Variants in TMEM178B observed in about 807,000 individuals in gnomAD.
TMEM178B encodes transmembrane protein 178B.
TMEM178B carries 5 observed loss-of-function variants against 31.0 expected under a neutral mutation model. That is an observed-to-expected ratio of 0.16 (90% CI 0.08 to 0.34). The LOEUF (loss-of-function observed/expected upper bound fraction) is 0.34. Among genes scored for constraint, TMEM178B ranks in the 10% least tolerant of loss-of-function variants. The pLI, the probability that TMEM178B is intolerant of heterozygous loss-of-function variation, is 1.00. For synonymous variants in TMEM178B, 164 were observed against 164.0 expected (o/e 1.00, Z 0.00); for missense variants, 275 against 400.3 (o/e 0.69, Z 2.67).
intron 2 of TMEM178B, among the ~76,000 whole-genome samples, chr7:141,400,550 A>T (rs1800742327): frequency 5.3e-5 from 8 of 152,182 alleles, no homozygotes; most frequent in Admixed American, 5.2e-4. Context: ...CCATTCCCAG[A>T]ATAGTGCCTT....
intron 1 of TMEM178B, among the ~76,000 whole-genome samples, chr7:141,203,456 T>C (rs10952496): frequency 0.66 from 99,745 of 152,058 alleles, 33,115 homozygotes; most frequent in Middle Eastern, 0.7. Flanking sequence ...CGTGGAAAGG[T>C]GAGCAACATA....
intron 1 of TMEM178B, among the ~76,000 whole-genome samples, chr7:141,172,209 T>TC (rs1439318326): frequency 2.0e-5 from 3 of 152,174 alleles, no homozygotes; most frequent in Admixed American, 6.5e-5. Context: ...CTTCATCTCA[T>TC]TCATTCATTC....
rs1261898029 is a variant in TMEM178B at position 141,318,184 on chromosome 7, C to T, written c.496+105480C>T. ...CCATCAGTCCATCCATCCATTTGTCCATTCAGTAACAGATCATTGAGCCTA... is the reference window on the plus strand; with the variant it reads ...CCATCAGTCCATCCATCCATTTGTCTATTCAGTAACAGATCATTGAGCCTA... On this transcript the variant is annotated intron_variant, in intron 2 of 3. Transcript: ENST00000565468. The surrounding 1 kb of genome is among the most constrained non-coding windows in gnomAD (Gnocchi z 4.1). Among the ~76,000 whole-genome samples, 1 of 152,146 alleles carries T rather than the reference C, an allele frequency of 6.6e-6. No individual in the cohort carries two copies. Among genetic ancestry groups the T allele is most frequent in the East Asian group, 1.9e-4 (1 of 5,200 alleles).
chr7:141,204,379 C>T (rs1796929053), intron 1 of TMEM178B, among the ~76,000 whole-genome samples: 1 of 152,172 alleles, frequency 6.6e-6, no homozygotes, highest in Non-Finnish European at 1.5e-5. Context: ...AGCTGCTTTC[C>T]CATAGTTGCT....
At chr7:141,134,741 TA>T (rs1795647799) in intron 1 of TMEM178B, among the ~76,000 whole-genome samples, 1 of 152,226 alleles carries the variant, frequency 6.6e-6, no homozygotes, top group Non-Finnish European at 1.5e-5. Flanking sequence ...TGAATGGATT[TA>T]AAAAATGACA....
chr7:141,116,531 A>T lies in TMEM178B; in HGVS notation c.382+41839A>T, dbSNP rs200476322. On this transcript the variant is annotated intron_variant, in intron 1 of 3. Transcript: ENST00000565468. ...TGAACTTGGAGACTTTTTTTTTTTT[A>T]AATACTTTAAGTTCTGGGATACATG... Among the ~76,000 whole-genome samples the T allele has an allele frequency of 1.0e-3, 156 of 150,258 alleles. 1 individual carries two copies. In the East Asian group the frequency reaches 0.024, roughly 23 times the overall value.
At chr7:141,335,125 G>T (rs552794026) in intron 2 of TMEM178B, among the ~76,000 whole-genome samples, 15 of 152,320 alleles carry the variant, frequency 9.8e-5, no homozygotes, top group Admixed American at 2.0e-4. Flanking sequence ...AGTTGCTCAG[G>T]TGGGGCAGCC....
At chr7:141,367,658 G>T (rs1800033913) in intron 2 of TMEM178B, among the ~76,000 whole-genome samples, 1 of 152,152 alleles carries the variant, frequency 6.6e-6, no homozygotes, top group African/African-American at 2.4e-5. Context: ...AAAACTGCAA[G>T]ATCTTATTGG....
Position 141,234,380 on chromosome 7 carries a change from CA to C in TMEM178B, c.496+21679del, listed in dbSNP as rs1355784749. ...TGGGACTTCCCAGACAAGAGGGAAA[CA>C]AAGACTTTCTAGATTGATGTAGCAG... On this transcript the variant is annotated intron_variant, in intron 2 of 3. Transcript: ENST00000565468. Among the ~76,000 whole-genome samples the C allele has an allele frequency of 3.3e-5, 5 of 152,182 alleles. No individual in the cohort carries two copies. The East Asian group carries it at 9.7e-4, about 29-fold the overall frequency.
intron 2 of TMEM178B, among the ~76,000 whole-genome samples, chr7:141,398,752 G>T (rs1188285275): frequency 6.6e-6 from 1 of 152,206 alleles, no homozygotes; most frequent in African/African-American, 2.4e-5. Flanking sequence ...GGGTTGGCAG[G>T]TGATTCAGGT....
At chr7:141,277,416 A>G (rs1310004267) in intron 2 of TMEM178B, among the ~76,000 whole-genome samples, 3 of 152,150 alleles carry the variant, frequency 2.0e-5, no homozygotes, top group Non-Finnish European at 4.4e-5. Context: ...CCACCTCCGC[A>G]TCTTGTCCCA....
At chr7:141,434,802 T>C (rs1391388989) in intron 2 of TMEM178B, among the ~76,000 whole-genome samples, 1 of 152,208 alleles carries the variant, frequency 6.6e-6, no homozygotes, top group African/African-American at 2.4e-5. Flanking sequence ...TAACCGTTAC[T>C]GTACTTTGAT....
intron 3 of TMEM178B, among the ~76,000 whole-genome samples, chr7:141,469,239 T>G (rs1365552984): frequency 6.6e-6 from 1 of 152,210 alleles, no homozygotes; most frequent in East Asian, 1.9e-4. Flanking sequence ...GAGGACTTCT[T>G]TACCCTCACT....
At chr7:141,120,647 A>G (rs1442504839) in intron 1 of TMEM178B, among the ~76,000 whole-genome samples, 1 of 152,148 alleles carries the variant, frequency 6.6e-6, no homozygotes, top group Non-Finnish European at 1.5e-5. Context: ...TTTCTCATAT[A>G]TCACCATGTT....
chr7:141,109,928 G>A (rs928504915), intron 1 of TMEM178B, among the ~76,000 whole-genome samples: 8 of 151,928 alleles, frequency 5.3e-5, no homozygotes, highest in South Asian at 2.1e-4. Context: ...GTGATAGAGC[G>A]AGACTCTGTC....
At chr7:141,114,486 C>G (rs1186840566) in intron 1 of TMEM178B, among the ~76,000 whole-genome samples, 1 of 152,226 alleles carries the variant, frequency 6.6e-6, no homozygotes, top group African/African-American at 2.4e-5. Flanking sequence ...TGTTGGACTT[C>G]ATGCCTGTGC....
At chr7:141,230,690 G>A (rs1181234699) in intron 2 of TMEM178B, among the ~76,000 whole-genome samples, 1 of 152,182 alleles carries the variant, frequency 6.6e-6, no homozygotes, top group Non-Finnish European at 1.5e-5. Flanking sequence ...AGGTTGGAGT[G>A]CAGTAGTGCA....
intron 1 of TMEM178B, among the ~76,000 whole-genome samples, chr7:141,120,718 G>A (rs1795394195): frequency 6.6e-6 from 1 of 152,068 alleles, no homozygotes; most frequent in South Asian, 2.1e-4. Flanking sequence ...TACTTTGGGA[G>A]GCAGAGGTGG....
chr7:141,279,212 T>C (rs1798314329), intron 2 of TMEM178B, among the ~76,000 whole-genome samples: 1 of 152,004 alleles, frequency 6.6e-6, no homozygotes, highest in South Asian at 2.1e-4. Flanking sequence ...TTTTCTCTGG[T>C]CCAAAGCAAA....
Sources: allele counts gnomAD v4.1 joint callset (sites outside exome capture counted in the v4.1 genomes callset), GRCh38; gene constraint gnomAD v4.1.1; non-coding constraint Gnocchi (gnomAD v3.1); transcripts MANE v1.5; gene names NCBI Gene and HGNC (gene_info 2026-07-23, HGNC 2026-07-21).